CNIH3: variants seen among roughly 807,000 people sequenced by gnomAD.
CNIH3 encodes the protein protein cornichon homolog 3.
Under a neutral mutation model 24.1 loss-of-function variants are expected in CNIH3, and 14 were observed. The ratio of observed to expected loss-of-function variants is 0.58; its 90% CI spans 0.38 to 0.91. The LOEUF is 0.91. Ranked by LOEUF, CNIH3 falls within the 40% of genes least tolerant of loss-of-function variation. The pLI is 0.00. For missense variants in CNIH3, 178 were observed against 196.8 expected (o/e 0.90, Z 0.57); for synonymous variants, 68 against 73.8 (o/e 0.92, Z 0.40).
chr1:224,495,161 C>T (rs1253121828), intron 1 of CNIH3, among the ~76,000 whole-genome samples: 1 of 152,188 alleles, frequency 6.6e-6, no homozygotes, highest in Non-Finnish European at 1.5e-5. Context: ...ACCTGAGACT[C>T]ATCAATTTTT....
At chr1:224,526,336 T>C (rs1678845483) in intron 2 of CNIH3, among the ~76,000 whole-genome samples, 2 of 152,164 alleles carry the variant, frequency 1.3e-5, no homozygotes, top group Admixed American at 1.3e-4. Flanking sequence ...AAGGGCAAAC[T>C]AATGAACCAT....
intron 1 of CNIH3, among the ~76,000 whole-genome samples, chr1:224,467,026 T>G (rs1032742315): frequency 6.6e-6 from 1 of 152,146 alleles, no homozygotes; most frequent in Non-Finnish European, 1.5e-5. Context: ...AGTCTGTAAT[T>G]TATCTTTTCA....
intron 1 of CNIH3, among the ~76,000 whole-genome samples, chr1:224,445,814 A>T (rs1675137453): frequency 3.9e-5 from 6 of 152,128 alleles, no homozygotes. Flanking sequence ...TTTAGAAGTC[A>T]TTTCTCGTCC....
At chr1:224,462,317 T>TA (rs1572289121) in intron 1 of CNIH3, among the ~76,000 whole-genome samples, 1 of 152,184 alleles carries the variant, frequency 6.6e-6, no homozygotes, top group Admixed American at 6.5e-5. Context: ...TTCACTGCCC[T>TA]AAAAATCCTG....
chr1:224,609,655 C>T (rs1400131949), intron 3 of CNIH3, among the ~76,000 whole-genome samples: 1 of 152,164 alleles, frequency 6.6e-6, no homozygotes, highest in Non-Finnish European at 1.5e-5. Flanking sequence ...TTAGGAGATA[C>T]TCTCGAATTT....
intron 1 of CNIH3, among the ~76,000 whole-genome samples, chr1:224,644,853 C>G (rs910650494): frequency 2.6e-5 from 4 of 152,202 alleles, no homozygotes; most frequent in African/African-American, 9.7e-5. Context: ...CTTGCTTAAG[C>G]GTAAGCAGCC....
intron 1 of CNIH3, among the ~76,000 whole-genome samples, chr1:224,651,517 A>G (rs929772222): frequency 6.6e-6 from 1 of 152,146 alleles, no homozygotes; most frequent in African/African-American, 2.4e-5. Context: ...GGTGTTAGCA[A>G]CCTGGTGTAT....
chr1:224,452,651 G>GCA lies in CNIH3; in HGVS notation n.203+17789_203+17790insCA, dbSNP rs1418705509. ...AAAAACATTAGCCAGGTGTGGTGAT[G>GCA]GGCACCTGTAGTCCCAGCTACTCGG... On this transcript the variant is annotated intron_variant and non_coding_transcript_variant, in intron 1 of 5. Transcript: ENST00000471578. Among the ~76,000 whole-genome samples the GCA allele has an allele frequency of 8.6e-5, 13 of 151,352 alleles. No homozygotes were observed. The South Asian group carries it at 1.9e-3, about 22-fold the overall frequency.
chr1:224,630,198 C>T (rs1489121510), intron 1 of CNIH3, among the ~76,000 whole-genome samples: 1 of 152,138 alleles, frequency 6.6e-6, no homozygotes, highest in Non-Finnish European at 1.5e-5. Flanking sequence ...TGTTATTGTT[C>T]ATTAAAACCT....
At chr1:224,443,746 T>A (rs1382474213) in intron 1 of CNIH3, among the ~76,000 whole-genome samples, 1 of 151,828 alleles carries the variant, frequency 6.6e-6, no homozygotes, top group African/African-American at 2.4e-5. Context: ...GTAGAGACAC[T>A]GTCACCTGTG....
At chr1:224,519,491 T>C (rs970646849) in intron 1 of CNIH3, among the ~76,000 whole-genome samples, 5 of 152,086 alleles carry the variant, frequency 3.3e-5, no homozygotes, top group African/African-American at 1.2e-4. Context: ...TTCTCAAAAT[T>C]TCTCTTTCTC....
intron 1 of CNIH3, among the ~76,000 whole-genome samples, chr1:224,466,336 G>C (rs1676151313): frequency 6.6e-6 from 1 of 152,086 alleles, no homozygotes; most frequent in African/African-American, 2.4e-5. Flanking sequence ...TTACGTAAAT[G>C]GAATCACTTA....
chr1:224,668,120 A>AAATG (rs746499216), intron 1 of CNIH3, among the ~76,000 whole-genome samples: 7 of 152,240 alleles, frequency 4.6e-5, no homozygotes, highest in Non-Finnish European at 1.0e-4. Context: ...GCATAAAAGG[A>AAATG]AATGAATGAA....
At chr1:224,533,923 G>C (rs763017349) in intron 2 of CNIH3, among the ~76,000 whole-genome samples, 12 of 152,232 alleles carry the variant, frequency 7.9e-5, no homozygotes, top group Non-Finnish European at 1.3e-4. Context: ...CCAGCATTTT[G>C]GGAGGCTGAC....
At chr1:224,528,576 C>T (rs1678936524) in intron 2 of CNIH3, among the ~76,000 whole-genome samples, 1 of 152,170 alleles carries the variant, frequency 6.6e-6, no homozygotes, top group Non-Finnish European at 1.5e-5. Context: ...ACCTCAGCCT[C>T]CTGGAGTGCT....
At chr1:224,542,400 T>C (rs1679545840), downstream of CNIH3, among the ~76,000 whole-genome samples, 1 of 152,058 alleles carries the variant, frequency 6.6e-6, no homozygotes, top group South Asian at 2.1e-4. Context: ...ATGATCAAAC[T>C]CTCTTCCCTA....
intron 3 of CNIH3, among the ~76,000 whole-genome samples, chr1:224,608,358 G>C (rs150811896): frequency 6.6e-6 from 1 of 152,080 alleles, no homozygotes; most frequent in African/African-American, 2.4e-5. Flanking sequence ...GGCTTTATTC[G>C]GCCGGGAGTG....
intron 1 of CNIH3, among the ~76,000 whole-genome samples, chr1:224,657,970 A>G (rs1685177590): frequency 6.6e-6 from 1 of 152,202 alleles, no homozygotes. Context: ...AAATTTAGGA[A>G]TTTCACATGA....
chr1:224,454,444 T>C (rs766257654), intron 1 of CNIH3: 39 of 468,094 alleles, frequency 8.3e-5, no homozygotes, highest in Non-Finnish European at 1.0e-4. Context: ...TTTCTATTGG[T>C]GTAGTCTGTT....
Sources: allele counts gnomAD v4.1 joint callset (sites outside exome capture counted in the v4.1 genomes callset), GRCh38; gene constraint gnomAD v4.1.1; transcripts MANE v1.5; gene names NCBI Gene and HGNC (gene_info 2026-07-23, HGNC 2026-07-21).